Variants in LEKR1 observed in about 807,000 individuals in gnomAD.
LEKR1 encodes the protein leucine, glutamate and lysine rich 1.
In LEKR1, 59 loss-of-function variants were observed where a neutral mutation model predicts 72.4. The observed-to-expected ratio is 0.82, with a 90% CI of 0.66 to 1.01. LEKR1 has a LOEUF of 1.01. Among genes scored for constraint, LEKR1 ranks in the 50% least tolerant of loss-of-function variants. The probability of loss-of-function intolerance (pLI) is 0.00; values close to 1 mark genes in which losing one functional copy is unlikely to be tolerated. For synonymous variants in LEKR1, 257 were observed against 263.2 expected (o/e 0.98, Z 0.23); for missense variants, 728 against 759.2 (o/e 0.96, Z 0.48).
chr3:156,928,429 C>T (rs1724924012), intron 5 of LEKR1, among the ~76,000 whole-genome samples: 1 of 151,946 alleles, frequency 6.6e-6, no homozygotes, highest in Non-Finnish European at 1.5e-5. Flanking sequence ...GCTCAATTTT[C>T]CTGTGAACCT....
chr3:156,859,511 C>T (rs1430449673), intron 3 of LEKR1, among the ~76,000 whole-genome samples: 3 of 152,148 alleles, frequency 2.0e-5, no homozygotes, highest in African/African-American at 7.2e-5. Flanking sequence ...TCATATAACA[C>T]AGTCCCCACA....
At chr3:156,917,009 A>G (rs1342040946) in intron 3 of LEKR1, among the ~76,000 whole-genome samples, 1 of 152,158 alleles carries the variant, frequency 6.6e-6, no homozygotes, top group East Asian at 1.9e-4. Context: ...AACAGAAGCA[A>G]TGCAGCAAAC....
At chr3:156,875,204 A>C (rs774956525) in intron 3 of LEKR1, among the ~76,000 whole-genome samples, 12 of 152,070 alleles carry the variant, frequency 7.9e-5, no homozygotes, top group Non-Finnish European at 1.5e-4. Flanking sequence ...TTATTTTTTG[A>C]TTTTTTAATT....
intron 5 of LEKR1, among the ~76,000 whole-genome samples, chr3:156,938,658 G>A (rs1262143406): frequency 6.6e-6 from 1 of 152,202 alleles, no homozygotes; most frequent in Non-Finnish European, 1.5e-5. Flanking sequence ...ACAGGCGTGA[G>A]CCACCGCACC....
At chr3:157,033,954 G>T (rs1734794302) in intron 12 of LEKR1, among the ~76,000 whole-genome samples, 1 of 151,774 alleles carries the variant, frequency 6.6e-6, no homozygotes, top group Admixed American at 6.6e-5. Flanking sequence ...ACTCTACTCT[G>T]TGCTTTATAA....
intron 2 of LEKR1, among the ~76,000 whole-genome samples, chr3:156,846,975 G>A (rs1560021038): frequency 6.6e-6 from 1 of 152,046 alleles, no homozygotes; most frequent in African/African-American, 2.4e-5. Context: ...ACCACGCCTG[G>A]CTAATTTTTA....
chr3:156,950,940 G>A (rs1261855896), intron 6 of LEKR1, among the ~76,000 whole-genome samples: 1 of 151,636 alleles, frequency 6.6e-6, no homozygotes, highest in Non-Finnish European at 1.5e-5. Context: ...TCCTTGTCTT[G>A]TTCTGGTTTT....
At chr3:156,856,886 T>G (rs1312645795) in intron 3 of LEKR1, among the ~76,000 whole-genome samples, 1 of 152,080 alleles carries the variant, frequency 6.6e-6, no homozygotes, top group East Asian at 1.9e-4. Context: ...TTATTTCCAA[T>G]AGTTATACCC....
intron 3 of LEKR1, among the ~76,000 whole-genome samples, chr3:156,866,236 C>T (rs1717295046): frequency 6.6e-6 from 1 of 152,084 alleles, no homozygotes; most frequent in Non-Finnish European, 1.5e-5. Flanking sequence ...AAAGGCCAGA[C>T]ACTTACTTTC....
intron 5 of LEKR1, among the ~76,000 whole-genome samples, chr3:156,941,147 A>AT (rs1459041461): frequency 6.6e-6 from 1 of 151,660 alleles, no homozygotes; most frequent in Non-Finnish European, 1.5e-5. Context: ...AGGAAAAAAA[A>AT]ATCCCACATA....
At chr3:157,007,789 C>G (rs1347355166) in intron 9 of LEKR1, among the ~76,000 whole-genome samples, 1 of 152,116 alleles carries the variant, frequency 6.6e-6, no homozygotes, top group East Asian at 1.9e-4. Context: ...ACACATAATC[C>G]AAGAAAAATA....
chr3:156,886,621 A>T (rs1044803005), intron 3 of LEKR1, among the ~76,000 whole-genome samples: 3 of 152,118 alleles, frequency 2.0e-5, no homozygotes, highest in Non-Finnish European at 4.4e-5. Flanking sequence ...TACATGCAAG[A>T]CACTTCCCAC....
chr3:156,848,587 A>G (rs1193263072), intron 2 of LEKR1, among the ~76,000 whole-genome samples: 5 of 152,214 alleles, frequency 3.3e-5, no homozygotes, highest in East Asian at 3.8e-4. Flanking sequence ...TGAAGACAGT[A>G]TAAAATAAAT....
chr3:156,870,453 G>A (rs899006053), intron 3 of LEKR1, among the ~76,000 whole-genome samples: 1 of 151,914 alleles, frequency 6.6e-6, no homozygotes, highest in African/African-American at 2.4e-5. Context: ...TGGAGCTATT[G>A]TAAACAGAAT....
intron 3 of LEKR1, among the ~76,000 whole-genome samples, chr3:156,881,688 G>A (rs1207902922): frequency 1.3e-4 from 18 of 140,224 alleles, no homozygotes; most frequent in African/African-American, 2.6e-4. Context: ...AGCCCGCATC[G>A]CCAAGTCAAT....
At chr3:156,908,159 C>T (rs992227565) in intron 3 of LEKR1, among the ~76,000 whole-genome samples, 11 of 152,210 alleles carry the variant, frequency 7.2e-5, no homozygotes, top group Non-Finnish European at 1.3e-4. Context: ...ACCTTAATCA[C>T]GTGGCTAAAC....
chr3:156,986,871 A>G (rs1730733924), intron 7 of LEKR1, among the ~76,000 whole-genome samples: 1 of 152,202 alleles, frequency 6.6e-6, no homozygotes, highest in Non-Finnish European at 1.5e-5. Context: ...GAGTGGAGGA[A>G]TCAAAAACAA....
At chr3:156,899,355 TATATATAC>T (rs1363896220) in intron 3 of LEKR1, among the ~76,000 whole-genome samples, 59 of 130,916 alleles carry the variant, frequency 4.5e-4, no homozygotes, top group South Asian at 4.0e-3. Context: ...TATATACATG[TATATATAC>T]ATATATACAT....
intron 7 of LEKR1, among the ~76,000 whole-genome samples, chr3:156,990,486 T>C (rs1409807974): frequency 6.6e-6 from 1 of 152,192 alleles, no homozygotes; most frequent in Non-Finnish European, 1.5e-5. Context: ...CCATTAGTGA[T>C]TTTTGCCTGA....
Sources: gnomAD v4.1 joint callset for allele counts (sites outside exome capture counted in the v4.1 genomes callset) on GRCh38, gnomAD v4.1.1 for gene constraint, MANE v1.5 for transcripts, NCBI Gene and HGNC (gene_info 2026-07-23, HGNC 2026-07-21) for gene names.